WNT3: variants seen among roughly 807,000 people sequenced by gnomAD.
The protein encoded by WNT3 is proto-oncogene Wnt-3.
WNT3 carries 7 observed loss-of-function variants against 34.2 expected under a neutral mutation model. The observed-to-expected ratio is 0.20, with a 90% confidence interval of 0.12 to 0.38. The LOEUF (loss-of-function observed/expected upper bound fraction) is 0.38. WNT3 is among the 10% of genes least tolerant of loss of function. The pLI, the probability that WNT3 is intolerant of heterozygous loss-of-function variation, is 1.00. For missense variants in WNT3, 267 were observed against 499.8 expected, an observed-to-expected ratio of 0.53 and a Z score of 4.44; for synonymous variants, 212 against 211.5, an observed-to-expected ratio of 1.00 and a Z score of -0.02.
rs1454858702 is a variant in WNT3, at chr17:46,768,844, G to A, written c.589-45C>T. On this transcript the variant is annotated intron_variant, in intron 3 of 4. Coordinates refer to ENST00000225512, the MANE Select transcript of WNT3 (RefSeq NM_030753.5). This position sits in a 1 kb window ranked among gnomAD's most constrained non-coding sequence, Gnocchi z 5.0. ...GCTGGCCAACAGACCGACCCCACGA[G>A]GGGGCACATCCAGGCCTTCCCTCTC... 1 of 1,599,466 alleles carries A rather than the reference G, an allele frequency of 6.3e-7. No individual in the cohort carries two copies. Among genetic ancestry groups the A allele is most frequent in the Non-Finnish European group, 8.5e-7 (1 of 1,175,194 alleles).
chr17:46,774,581 A>G (rs1292216201), intron 1 of WNT3, among the ~76,000 whole-genome samples: 1 of 152,232 alleles, frequency 6.6e-6, no homozygotes, highest in Non-Finnish European at 1.5e-5. Context: ...TGTCAAAACA[A>G]GTTTAGCACA....
At chr17:46,773,200 A>G (rs886739480) in intron 2 of WNT3, among the ~76,000 whole-genome samples, 1 of 152,082 alleles carries the variant, frequency 6.6e-6, no homozygotes, top group African/African-American at 2.4e-5. Flanking sequence ...CTGACAGGGC[A>G]TGAGGATGAA....
intron 1 of WNT3, among the ~76,000 whole-genome samples, chr17:46,808,113 G>A (rs1204537718): frequency 1.3e-5 from 2 of 152,198 alleles, no homozygotes; most frequent in Admixed American, 1.3e-4. Context: ...AGGAATCTGA[G>A]AGGTCATTTA....
chr17:46,770,533 G>A (rs1260118027), intron 2 of WNT3, among the ~76,000 whole-genome samples: 2 of 152,074 alleles, frequency 1.3e-5, no homozygotes, highest in Non-Finnish European at 2.9e-5. Flanking sequence ...CACCCCTTCC[G>A]CACGTGGATG....
intron 1 of WNT3, among the ~76,000 whole-genome samples, chr17:46,786,156 T>C (rs1598772936): frequency 1.4e-5 from 2 of 142,670 alleles, no homozygotes; most frequent in East Asian, 2.2e-4. Context: ...TCAGCCAAAT[T>C]GTGGTCCGGG....
intron 2 of WNT3, among the ~76,000 whole-genome samples, chr17:46,771,710 C>G (rs1210467465): frequency 7.0e-6 from 1 of 143,316 alleles, no homozygotes; most frequent in Non-Finnish European, 1.6e-5. Flanking sequence ...GCCGCGCCCC[C>G]GGCCCCGGCG....
chr17:46,771,749 C>T (rs1403763151), intron 2 of WNT3, among the ~76,000 whole-genome samples: 3 of 68,348 alleles, frequency 4.4e-5, no homozygotes, highest in Non-Finnish European at 5.9e-5. Context: ...ATTGAAGCGG[C>T]GCCCCCCGCC....
chr17:46,774,955 C>T lies in WNT3; in HGVS notation c.81-1046G>A, dbSNP rs1013877546. Among the ~76,000 whole-genome samples the T allele has an allele frequency of 2.6e-4, 40 of 152,202 alleles. 1 individual carries two copies. Among genetic ancestry groups the T allele is most frequent in the Admixed American group, 6.5e-5 (1 of 15,290 alleles). The stretch of plus-strand genomic sequence containing the variant: ...GGAAGAAGGGGCCCATCTCCTCTCC[C>T]TCTGTGTCCAGCACTGACCAAGGCT... On this transcript the variant is annotated intron_variant, in intron 1 of 4. Transcript: ENST00000225512.
intron 1 of WNT3, among the ~76,000 whole-genome samples, chr17:46,806,662 G>A (rs1172051087): frequency 6.6e-6 from 1 of 152,242 alleles, no homozygotes; most frequent in African/African-American, 2.4e-5. Flanking sequence ...AGTTAAGATG[G>A]AGAACCACCC....
At chr17:46,806,679 A>C (rs1021149343) in intron 1 of WNT3, among the ~76,000 whole-genome samples, 9 of 152,242 alleles carry the variant, frequency 5.9e-5, no homozygotes, top group African/African-American at 1.9e-4. Context: ...ACCCAGCCTG[A>C]GGCTAGACAT....
chr17:46,774,843 T>G (rs1456675990), intron 1 of WNT3, among the ~76,000 whole-genome samples: 1 of 152,246 alleles, frequency 6.6e-6, no homozygotes, highest in African/African-American at 2.4e-5. Context: ...TGACATTTTC[T>G]GGGAGAACCT....
chr17:46,779,053 TCACACACACACACACACACACACACA>T (rs56965619), intron 1 of WNT3, among the ~76,000 whole-genome samples: 15 of 100,668 alleles, frequency 1.5e-4, no homozygotes, highest in African/African-American at 5.8e-4. Flanking sequence ...CCCTACCCCA[TCACACACACACACACACACACACACA>T]CACACACACA....
chr17:46,805,060 A>C (rs1255367522), intron 1 of WNT3, among the ~76,000 whole-genome samples: 1 of 152,060 alleles, frequency 6.6e-6, no homozygotes, highest in East Asian at 1.9e-4. Context: ...CTCACCGCAA[A>C]GGTACGTGGC....
chr17:46,768,276 G>C lies in WNT3; in HGVS notation c.*8+36C>G. ...CAAACAACCCCATTCCCTGCGCCCA[G>C]GCTCCCAGCCTCCCCCCTGCTTCCC... On this transcript the variant is annotated intron_variant, in intron 4 of 4. Transcript: ENST00000225512. This position sits in a 1 kb window ranked among gnomAD's most constrained non-coding sequence, Gnocchi z 5.0. 1 of 1,611,876 alleles carries C rather than the reference G, an allele frequency of 6.2e-7. No homozygotes were observed. Among genetic ancestry groups the C allele is most frequent in the Non-Finnish European group, 8.5e-7 (1 of 1,179,984 alleles).
At chr17:46,801,801 G>A (rs1429372187) in intron 1 of WNT3, among the ~76,000 whole-genome samples, 1 of 152,198 alleles carries the variant, frequency 6.6e-6, no homozygotes, top group Non-Finnish European at 1.5e-5. Context: ...CTGTGGGTCT[G>A]CCAAGGGAGG....
intron 1 of WNT3, among the ~76,000 whole-genome samples, chr17:46,788,807 G>A (rs2083941399): frequency 1.3e-5 from 2 of 152,108 alleles, no homozygotes; most frequent in African/African-American, 4.8e-5. Context: ...TGAGTGCCCA[G>A]TCCTTTCCTT....
At chr17:46,772,924 G>C (rs994240358) in intron 2 of WNT3, among the ~76,000 whole-genome samples, 1 of 152,122 alleles carries the variant, frequency 6.6e-6, no homozygotes, top group Non-Finnish European at 1.5e-5. Flanking sequence ...TGGCCAGCCC[G>C]GCCAGGATCG....
chr17:46,770,136 G>A, intron 2 of WNT3, 88 bp from the exon 3 acceptor site: 4 of 1,446,780 alleles, frequency 2.8e-6, no homozygotes, highest in Non-Finnish European at 3.6e-6. Flanking sequence ...GACGTGAGGG[G>A]AACGAGGCCA....
intron 1 of WNT3, among the ~76,000 whole-genome samples, chr17:46,812,575 G>A (rs1197994849): frequency 2.0e-5 from 3 of 152,094 alleles, no homozygotes; most frequent in Non-Finnish European, 4.4e-5. Context: ...GGGGGTCGGG[G>A]AATGATTAGG....
Sources: gnomAD v4.1 joint callset for allele counts (sites outside exome capture counted in the v4.1 genomes callset) on GRCh38, gnomAD v4.1.1 for gene constraint, Gnocchi (gnomAD v3.1) non-coding constraint, MANE v1.5 for transcripts, NCBI Gene and HGNC (gene_info 2026-07-23, HGNC 2026-07-21) for gene names.